Variants in SEL1L observed in about 807,000 individuals in gnomAD.
The protein encoded by SEL1L is protein sel-1 homolog 1.
SEL1L carries 52 observed loss-of-function variants against 109.8 expected under a neutral mutation model. The ratio of observed to expected loss-of-function variants is 0.47; its 90% CI spans 0.38 to 0.60. SEL1L has a LOEUF of 0.60. SEL1L is among the 20% of genes least tolerant of loss of function. SEL1L has a pLI of 0.00. For missense variants in SEL1L, 749 were observed against 962.2 expected (o/e 0.78, Z 2.93); for synonymous variants, 373 against 339.6 (o/e 1.10, Z -1.08).
At chr14:81,506,854 A>G (rs1339594738) in intron 3 of SEL1L, among the ~76,000 whole-genome samples, 1 of 152,186 alleles carries the variant, frequency 6.6e-6, no homozygotes. Flanking sequence ...GTTGAAAATT[A>G]TGGTAGGTGC....
At chr14:81,522,102 G>A (rs1884929689) in intron 3 of SEL1L, among the ~76,000 whole-genome samples, 1 of 152,102 alleles carries the variant, frequency 6.6e-6, no homozygotes, top group South Asian at 2.1e-4. Context: ...TCTACAATGT[G>A]TTTGTATTTT....
chr14:81,480,281 C>CA (rs1394240580), intron 19 of SEL1L, among the ~76,000 whole-genome samples: 2 of 152,110 alleles, frequency 1.3e-5, no homozygotes, highest in Admixed American at 6.5e-5. Context: ...CTCCGCCCCC[C>CA]AGGGTTCACG....
At chr14:81,479,536 A>C in intron 20 of SEL1L, 76 bp downstream of exon 20, 3 of 1,470,282 alleles carry the variant, frequency 2.0e-6, no homozygotes, top group Non-Finnish European at 2.8e-6. Context: ...TGTGCTTCTC[A>C]ACTTTTGAAA....
At position 81,502,852 on chromosome 14, in the gene SEL1L, T is replaced by C. The variant is rs577583379; in HGVS notation, c.646A>G (p.Met216Val). ...CTCTCCAGGGCTTTGGTATGGTTCA[T>C]GCTTGCTGCCTTTTGGAGATACCGA... ...AYRYLQKAASMNHTKALERVS... is the reference protein window; with the variant it reads ...AYRYLQKAASVNHTKALERVS... The change falls in exon 6 of 21, where the codon ATG becomes GTG. Residue 216 changes from methionine (M) to valine (V), a missense_variant. Physicochemically the swap from Met to Val is conservative, Grantham distance 21. This residue lies in a region of SEL1L where 366 missense variants were observed against 399.8 expected (regional missense o/e 0.92). Coordinates refer to ENST00000336735, the MANE Select transcript of SEL1L (RefSeq NM_005065.6). 1 of 1,613,948 alleles carries C rather than the reference T, an allele frequency of 6.2e-7. No homozygotes were observed. The highest frequency in any genetic ancestry group is 1.1e-5 in the South Asian group (1 of 91,038).
intron 3 of SEL1L, among the ~76,000 whole-genome samples, chr14:81,516,227 G>A (rs181699436): frequency 1.5e-3 from 228 of 152,226 alleles, no homozygotes; most frequent in African/African-American, 4.9e-3. Flanking sequence ...CCCCGGGTAC[G>A]TTTAACCATT....
At chr14:81,532,153 AAGAC>A (rs1012824305) in intron 1 of SEL1L, among the ~76,000 whole-genome samples, 6 of 152,228 alleles carry the variant, frequency 3.9e-5, no homozygotes, top group Admixed American at 1.3e-4. Flanking sequence ...AATGCAGTCA[AAGAC>A]AGACAGCACA....
intron 3 of SEL1L, among the ~76,000 whole-genome samples, chr14:81,518,659 T>TAAAA (rs35790401): frequency 3.1e-4 from 26 of 84,460 alleles, no homozygotes; most frequent in African/African-American, 9.7e-4. Context: ...AGACTTCGTC[T>TAAAA]AAAAAAAAAA....
Position 81,484,349 on chromosome 14 carries a change from A to T in SEL1L, c.1922T>A (p.Phe641Tyr). The part of the protein sequence containing the change: ...IKLGDYHFYG[F>Y]GTDVDYETAF... ...AGTTTCATAATCTACATCGGTGCCA[A>T]ACCCATAGAAATGGTAGTCTCCGAG... Residue 641 changes from phenylalanine to tyrosine, a missense_variant, in exon 19 of 21, where the codon TTT becomes TAT. Physicochemically the swap from Phe to Tyr is conservative, Grantham distance 22. Around this residue, in one of 2 missense-constraint regions of SEL1L, gnomAD observed 383 missense variants for 562.5 expected, o/e 0.68. Transcript: ENST00000336735. The T allele has an allele frequency of 3.1e-6, 5 of 1,614,150 alleles. No homozygotes were observed. Among genetic ancestry groups the T allele is most frequent in the Non-Finnish European group, 4.2e-6 (5 of 1,179,990 alleles).
chr14:81,523,157 C>T (rs537552862), intron 3 of SEL1L, among the ~76,000 whole-genome samples: 20 of 152,192 alleles, frequency 1.3e-4, no homozygotes, highest in African/African-American at 4.8e-4. Context: ...TCCTAGAGAG[C>T]CTTGGGATAG....
At chr14:81,510,636 T>C (rs182965392) in intron 3 of SEL1L, among the ~76,000 whole-genome samples, 300 of 152,120 alleles carry the variant, frequency 2.0e-3, no homozygotes, top group African/African-American at 6.9e-3. Context: ...CAGATAAACA[T>C]AATTTAGCTT....
At chr14:81,527,358 C>G (rs1250618524) in intron 2 of SEL1L, among the ~76,000 whole-genome samples, 1 of 151,788 alleles carries the variant, frequency 6.6e-6, no homozygotes. Flanking sequence ...CTCAATCAAC[C>G]AATAAGTGCA....
At chr14:81,482,809 A>G (rs1471674744) in intron 19 of SEL1L, among the ~76,000 whole-genome samples, 1 of 152,254 alleles carries the variant, frequency 6.6e-6, no homozygotes, top group Non-Finnish European at 1.5e-5. Context: ...TCAAGAAAAT[A>G]CCGCATTAGC....
intron 10 of SEL1L, among the ~76,000 whole-genome samples, chr14:81,496,656 C>T (rs2140007787): frequency 6.6e-6 from 1 of 152,262 alleles, no homozygotes; most frequent in East Asian, 1.9e-4. Context: ...ACAAGAATCG[C>T]TTGAACCCGG....
At position 81,506,308 on chromosome 14, in the gene SEL1L, A is replaced by G. The variant is rs536638578; in HGVS notation, c.341-67T>C. The G allele has an allele frequency of 1.3e-4, 184 of 1,369,178 alleles. 1 individual carries two copies. In the South Asian group the frequency reaches 1.8e-3, roughly 13 times the overall value. 84.8% of individuals were successfully genotyped at this position (1,369,178 alleles called of 1,614,324 possible). ...CTCTGGTATTCATGGATTCAATGCC[A>G]TCAATTTTGGCTGTTGGAATTTGAA... On this transcript the variant is annotated intron_variant, in intron 3 of 20. Coordinates refer to ENST00000336735, the MANE Select transcript of SEL1L (RefSeq NM_005065.6).
intron 6 of SEL1L, among the ~76,000 whole-genome samples, chr14:81,501,333 T>C (rs1022667365): frequency 1.1e-4 from 16 of 152,144 alleles, no homozygotes; most frequent in Middle Eastern, 3.2e-3. Flanking sequence ...CTTTGCAACA[T>C]ATAAAGTGCT....
chr14:81,528,406 C>T (rs549406703), intron 1 of SEL1L, among the ~76,000 whole-genome samples: 128 of 152,200 alleles, frequency 8.4e-4, no homozygotes, highest in African/African-American at 2.8e-3. Flanking sequence ...AAACAGCCAC[C>T]GGTTACACCT....
At chr14:81,518,796 C>T (rs1010453132) in intron 3 of SEL1L, among the ~76,000 whole-genome samples, 1 of 151,938 alleles carries the variant, frequency 6.6e-6, no homozygotes, top group East Asian at 1.9e-4. Context: ...TCCTAAAAGG[C>T]ATACCTAAAA....
At chr14:81,495,287 T>C (rs1470094624) in intron 10 of SEL1L, 150 bp from the exon 11 acceptor site, 4 of 693,278 alleles carry the variant, frequency 5.8e-6, no homozygotes, top group Non-Finnish European at 9.7e-6. Flanking sequence ...GAAAATGCTA[T>C]TCTACTTTAA....
chr14:81,486,463 G>A lies in SEL1L; in HGVS notation c.1633-9C>T, dbSNP rs1566971418. On this transcript the variant is annotated splice_polypyrimidine_tract_variant and intron_variant, in intron 16 of 20. Coordinates refer to ENST00000336735, the MANE Select transcript of SEL1L (RefSeq NM_005065.6). The stretch of plus-strand genomic sequence containing the variant: ...CATACATTCTTAAACAACTGTGTGA[G>A]GTGGGGAAAAAAAATATCAGTAGAA... 7 of 1,607,892 alleles carry A rather than the reference G, an allele frequency of 4.4e-6. No homozygotes were observed. Among genetic ancestry groups the A allele is most frequent in the East Asian group, 4.5e-5 (2 of 44,818 alleles).
Sources: allele counts gnomAD v4.1 joint callset (sites outside exome capture counted in the v4.1 genomes callset), GRCh38; gene constraint gnomAD v4.1.1; regional missense constraint gnomAD v4.1.1; transcripts MANE v1.5; gene names NCBI Gene and HGNC (gene_info 2026-07-23, HGNC 2026-07-21).